NCAM2: variants seen among roughly 807,000 people sequenced by gnomAD.
NCAM2 encodes the protein neural cell adhesion molecule 2.
In NCAM2, 30 loss-of-function variants were observed where a neutral mutation model predicts 98.1. The observed-to-expected ratio is 0.31, with a 90% confidence interval of 0.23 to 0.41. NCAM2 has a LOEUF of 0.41. Ranked by LOEUF, NCAM2 falls within the 10% of genes least tolerant of loss-of-function variation. The pLI, the probability that NCAM2 is intolerant of heterozygous loss-of-function variation, is 1.00. For synonymous variants in NCAM2, 368 were observed against 342.4 expected (o/e 1.07, Z -0.83); for missense variants, 867 against 1,005.8 (o/e 0.86, Z 1.87).
At chr21:21,037,978 ATTAAG>A (rs1568953910) in intron 1 of NCAM2, among the ~76,000 whole-genome samples, 1 of 152,200 alleles carries the variant, frequency 6.6e-6, no homozygotes. Context: ...GTAATAGCTG[ATTAAG>A]TTAATTTATT....
chr21:21,173,862 A>G (rs2146862019), intron 1 of NCAM2, among the ~76,000 whole-genome samples: 1 of 152,292 alleles, frequency 6.6e-6, no homozygotes, highest in South Asian at 2.1e-4. Context: ...TAGCATACCC[A>G]GAGGCTTGAA....
intron 8 of NCAM2, among the ~76,000 whole-genome samples, chr21:21,343,380 C>CACAA (rs2075100720): frequency 6.6e-6 from 1 of 151,644 alleles, no homozygotes; most frequent in African/African-American, 2.4e-5. Context: ...CACACACACA[C>CACAA]ACACACACAC....
At chr21:21,224,022 A>G (rs571512122) in intron 1 of NCAM2, among the ~76,000 whole-genome samples, 1 of 152,176 alleles carries the variant, frequency 6.6e-6, no homozygotes, top group Non-Finnish European at 1.5e-5. Flanking sequence ...AGAGCTCTCT[A>G]GAACATTTAT....
intron 1 of NCAM2, among the ~76,000 whole-genome samples, chr21:21,257,256 A>G (rs1224961343): frequency 6.6e-6 from 1 of 152,202 alleles, no homozygotes; most frequent in Non-Finnish European, 1.5e-5. Context: ...GAGGTTCTGA[A>G]CAAAGGCTGG....
intron 1 of NCAM2, among the ~76,000 whole-genome samples, chr21:21,171,780 G>C (rs2068132474): frequency 6.6e-6 from 1 of 152,046 alleles, no homozygotes; most frequent in Non-Finnish European, 1.5e-5. Flanking sequence ...TACAACACAG[G>C]ATAAATTTAT....
At chr21:21,449,603 T>C (rs773637278) in intron 12 of NCAM2, among the ~76,000 whole-genome samples, 2 of 151,996 alleles carry the variant, frequency 1.3e-5, no homozygotes, top group Non-Finnish European at 1.5e-5. Flanking sequence ...TGCCAACATA[T>C]ACTATTGTAT....
intron 12 of NCAM2, among the ~76,000 whole-genome samples, chr21:21,462,272 A>T (rs538887289): frequency 6.6e-6 from 1 of 152,038 alleles, no homozygotes; most frequent in South Asian, 2.1e-4. Flanking sequence ...GGGAGACTGT[A>T]ATTGCTTACG....
chr21:21,186,463 T>C (rs1271608443), intron 1 of NCAM2, among the ~76,000 whole-genome samples: 1 of 152,130 alleles, frequency 6.6e-6, no homozygotes, highest in Non-Finnish European at 1.5e-5. Flanking sequence ...TATAAAATTT[T>C]GAAAAATGGA....
chr21:21,196,609 G>A (rs910719461), intron 1 of NCAM2, among the ~76,000 whole-genome samples: 12 of 152,230 alleles, frequency 7.9e-5, no homozygotes, highest in Admixed American at 5.9e-4. Flanking sequence ...GAGGAGTGAA[G>A]TGAGTAATTT....
intron 1 of NCAM2, among the ~76,000 whole-genome samples, chr21:21,205,405 A>G (rs554085559): frequency 1.3e-5 from 2 of 152,086 alleles, no homozygotes; most frequent in South Asian, 4.1e-4. Context: ...TGTAGCCTTT[A>G]TTTTGGGGGC....
chr21:21,477,521 C>T, intron 15 of NCAM2, 50 bp downstream of exon 15: 2 of 1,349,364 alleles, frequency 1.5e-6, no homozygotes, highest in Non-Finnish European at 2.0e-6. Flanking sequence ...TATGATACCA[C>T]CTTTTTATAA....
intron 15 of NCAM2, among the ~76,000 whole-genome samples, chr21:21,493,111 G>A (rs1986962665): frequency 6.6e-6 from 1 of 151,892 alleles, no homozygotes; most frequent in South Asian, 2.1e-4. Context: ...AAATGGCTCA[G>A]TCGTGAAAGA....
intron 1 of NCAM2, among the ~76,000 whole-genome samples, chr21:21,240,974 G>A (rs959194264): frequency 1.3e-5 from 2 of 152,092 alleles, no homozygotes; most frequent in African/African-American, 4.8e-5. Context: ...ATTGTTAGCA[G>A]TATCATGTTA....
chr21:21,070,506 AG>A (rs1601276082), intron 1 of NCAM2, among the ~76,000 whole-genome samples: 1 of 152,068 alleles, frequency 6.6e-6, no homozygotes, highest in Admixed American at 6.6e-5. Flanking sequence ...ACAGAGGAAG[AG>A]GGGGGTGAAA....
At chr21:21,522,699 C>T (rs1202542884) in intron 16 of NCAM2, among the ~76,000 whole-genome samples, 4 of 133,468 alleles carry the variant, frequency 3.0e-5, no homozygotes, top group South Asian at 2.4e-4. Flanking sequence ...GGTGTGATCT[C>T]GGCCCACTTT....
intron 1 of NCAM2, among the ~76,000 whole-genome samples, chr21:21,227,828 C>G (rs940704696): frequency 1.3e-5 from 2 of 151,626 alleles, no homozygotes; most frequent in African/African-American, 4.8e-5. Flanking sequence ...GAAGTCTTTC[C>G]AAATAAGTTA....
At chr21:21,080,182 A>G (rs559615912) in intron 1 of NCAM2, among the ~76,000 whole-genome samples, 2 of 152,222 alleles carry the variant, frequency 1.3e-5, no homozygotes, top group East Asian at 1.9e-4. Flanking sequence ...GGGTGTATGT[A>G]TTTGCTCAGT....
chr21:21,146,402 C>A (rs2067274251), intron 1 of NCAM2, among the ~76,000 whole-genome samples: 1 of 151,344 alleles, frequency 6.6e-6, no homozygotes, highest in Non-Finnish European at 1.5e-5. Flanking sequence ...AGGTCTTCTA[C>A]AGTGATACTT....
Position 21,516,577 on chromosome 21 carries a change from T to G in NCAM2, c.2282+7522T>G, listed in dbSNP as rs988693048. Among the ~76,000 whole-genome samples the G allele has an allele frequency of 4.6e-5, 7 of 152,064 alleles. No homozygotes were observed. The East Asian group carries it at 9.6e-4, about 21-fold the overall frequency. On this transcript the variant is annotated intron_variant, in intron 16 of 17. Coordinates refer to ENST00000400546, the MANE Select transcript of NCAM2 (RefSeq NM_004540.5). The stretch of plus-strand genomic sequence containing the variant: ...TTAAATGTTCCTGTAATATCACATT[T>G]TATTTTGTATACCAGTGTTTTTTTC...
Sources: allele counts gnomAD v4.1 joint callset (sites outside exome capture counted in the v4.1 genomes callset), GRCh38; gene constraint gnomAD v4.1.1; transcripts MANE v1.5; gene names NCBI Gene and HGNC (gene_info 2026-07-23, HGNC 2026-07-21).